Variants in MACROD2 observed in about 807,000 individuals in gnomAD.
MACROD2 encodes the protein mono-ADP ribosylhydrolase 2, also known as ADP-ribose glycohydrolase MACROD2.
A neutral mutation model predicts 70.4 loss-of-function variants in MACROD2; 36 were observed. The observed-to-expected ratio is 0.51, with a 90% CI of 0.39 to 0.68. MACROD2 has a LOEUF of 0.68. MACROD2 is among the 30% of genes least tolerant of loss of function. The pLI is 0.00. For missense variants in MACROD2, 496 were observed against 538.4 expected, an observed-to-expected ratio of 0.92 and a Z score of 0.78; for synonymous variants, 172 against 178.8, an observed-to-expected ratio of 0.96 and a Z score of 0.30.
At chr20:14,542,063 G>A (rs900089875) in intron 4 of MACROD2, among the ~76,000 whole-genome samples, 82 of 152,188 alleles carry the variant, frequency 5.4e-4, no homozygotes, top group Non-Finnish European at 1.0e-4. Context: ...TAAATATCTG[G>A]ATTCCCAGCC....
At chr20:14,979,332 G>A (rs1171115914) in intron 5 of MACROD2, among the ~76,000 whole-genome samples, 1 of 151,970 alleles carries the variant, frequency 6.6e-6, no homozygotes, top group Non-Finnish European at 1.5e-5. Flanking sequence ...ATTTTTCATG[G>A]CTTGACATAA....
chr20:15,131,673 C>T (rs2076106300), intron 5 of MACROD2, among the ~76,000 whole-genome samples: 1 of 151,956 alleles, frequency 6.6e-6, no homozygotes, highest in African/African-American at 2.4e-5. Flanking sequence ...GCTCAACTCT[C>T]TTTTTAGACA....
At chr20:14,866,344 A>T (rs1351064248) in intron 5 of MACROD2, among the ~76,000 whole-genome samples, 1 of 152,102 alleles carries the variant, frequency 6.6e-6, no homozygotes, top group Non-Finnish European at 1.5e-5. Context: ...TTAATTGATC[A>T]CATCCAAAGT....
At chr20:14,992,927 T>C (rs1466901891) in intron 5 of MACROD2, among the ~76,000 whole-genome samples, 1 of 152,178 alleles carries the variant, frequency 6.6e-6, no homozygotes, top group East Asian at 1.9e-4. Flanking sequence ...GTGATTCCAC[T>C]AGAAATATCT....
intron 3 of MACROD2, among the ~76,000 whole-genome samples, chr20:14,181,007 A>G (rs1481082227): frequency 6.6e-6 from 1 of 151,116 alleles, no homozygotes; most frequent in Admixed American, 6.6e-5. Flanking sequence ...TTATCTTTCT[A>G]TTTCTTTTCT....
chr20:14,086,280 C>A, intron 3 of MACROD2: 1 of 281,650 alleles, frequency 3.6e-6, no homozygotes. Flanking sequence ...GTTAATTTTC[C>A]TATTTCAACA....
intron 8 of MACROD2, among the ~76,000 whole-genome samples, chr20:15,590,980 A>AAAGG (rs2048671161): frequency 6.6e-6 from 1 of 151,106 alleles, no homozygotes. Context: ...AGAAAGAAAG[A>AAAGG]AAAGAAGAGA....
At chr20:15,125,714 TACTC>T (rs1568587270) in intron 5 of MACROD2, among the ~76,000 whole-genome samples, 1 of 152,054 alleles carries the variant, frequency 6.6e-6, no homozygotes. Context: ...CATATAGTAA[TACTC>T]ACCATTTTAA....
chr20:14,017,785 A>G (rs1346087340), intron 2 of MACROD2, among the ~76,000 whole-genome samples: 6 of 152,016 alleles, frequency 3.9e-5, no homozygotes, highest in African/African-American at 1.4e-4. Context: ...TGCCTTTGTT[A>G]TCAGGGTAAT....
At chr20:15,709,495 T>C (rs779878390) in intron 8 of MACROD2, among the ~76,000 whole-genome samples, 48 of 151,898 alleles carry the variant, frequency 3.2e-4, no homozygotes, top group Non-Finnish European at 6.8e-4. Context: ...ACCCTGCCTC[T>C]ACAAAAAATA....
intron 4 of MACROD2, among the ~76,000 whole-genome samples, chr20:14,630,962 G>A (rs990760266): frequency 1.3e-5 from 2 of 151,950 alleles, no homozygotes; most frequent in Admixed American, 6.6e-5. Context: ...AATTATTTTT[G>A]TGTGTCTGTA....
chr20:15,315,961 C>A (rs1200435032), intron 6 of MACROD2, among the ~76,000 whole-genome samples: 1 of 151,762 alleles, frequency 6.6e-6, no homozygotes, highest in Non-Finnish European at 1.5e-5. Flanking sequence ...CTCTTTTTAT[C>A]TATTGAAGCT....
intron 8 of MACROD2, among the ~76,000 whole-genome samples, chr20:15,790,770 A>T (rs1209464380): frequency 2.0e-5 from 3 of 151,932 alleles, no homozygotes; most frequent in Admixed American, 2.0e-4. Context: ...TTGTATACCT[A>T]GTAAATGCAG....
intron 8 of MACROD2, among the ~76,000 whole-genome samples, chr20:15,589,726 C>A (rs1446138094): frequency 2.0e-5 from 3 of 152,226 alleles, no homozygotes; most frequent in African/African-American, 7.2e-5. Context: ...TTTTTGCCAT[C>A]TCCATAGTTT....
At chr20:15,081,760 C>G (rs1261594037) in intron 5 of MACROD2, among the ~76,000 whole-genome samples, 2 of 152,120 alleles carry the variant, frequency 1.3e-5, no homozygotes, top group African/African-American at 4.8e-5. Flanking sequence ...TAAAAAATGG[C>G]ACATTCCAAA....
At position 15,708,278 on chromosome 20, in the gene MACROD2, A is replaced by T. The variant is rs562190426; in HGVS notation, c.646-154467A>T. Among the ~76,000 whole-genome samples the T allele has an allele frequency of 3.3e-5, 5 of 152,284 alleles. No individual in the cohort carries two copies. In the East Asian group the frequency reaches 9.7e-4, roughly 29 times the overall value. On this transcript the variant is annotated intron_variant, in intron 8 of 17. Transcript: ENST00000684519. ...ACAATAAATAATACCCATAGTAAAA[A>T]GCAAATTATATAATTTGTAGGAAAA...
At chr20:14,894,671 C>A (rs916186284) in intron 5 of MACROD2, 2 of 151,988 alleles carry the variant, frequency 1.3e-5, no homozygotes, top group Non-Finnish European at 2.9e-5. Flanking sequence ...TTTCCCCAAT[C>A]TTTTTTTATT....
rs1458144291 is a variant in MACROD2 at position 14,534,218 on chromosome 20, G to A, written c.301+40710G>A. Among the ~76,000 whole-genome samples, 3 of 152,184 alleles carry A rather than the reference G, an allele frequency of 2.0e-5. No individual in the cohort carries two copies. The East Asian group carries it at 5.8e-4, about 29-fold the overall frequency. Reference sequence around the variant, plus strand: ...TTCGAGCGTTGCTTTATCTGGAAGGGTAATTTCATTTTCCTCAGTGTGAGT... The same window carrying A: ...TTCGAGCGTTGCTTTATCTGGAAGGATAATTTCATTTTCCTCAGTGTGAGT... On this transcript the variant is annotated intron_variant, in intron 4 of 17. Coordinates refer to ENST00000684519, the MANE Select transcript of MACROD2 (RefSeq NM_001351661.2).
At chr20:14,407,181 A>G (rs1307523079) in intron 3 of MACROD2, among the ~76,000 whole-genome samples, 1 of 149,224 alleles carries the variant, frequency 6.7e-6, no homozygotes, top group Non-Finnish European at 1.5e-5. Flanking sequence ...TTTAATTTTC[A>G]TTTAAAGTCT....
Sources: allele counts gnomAD v4.1 joint callset (sites outside exome capture counted in the v4.1 genomes callset), GRCh38; gene constraint gnomAD v4.1.1; transcripts MANE v1.5; gene names NCBI Gene and HGNC (gene_info 2026-07-23, HGNC 2026-07-21).